The following PTPRD variants were observed in gnomAD, a reference collection of about 807,000 sequenced individuals.
PTPRD encodes protein tyrosine phosphatase receptor type D, also known as receptor-type tyrosine-protein phosphatase delta.
PTPRD carries 34 observed loss-of-function variants against 214.5 expected under a neutral mutation model. The observed-to-expected ratio is 0.16, with a 90% CI of 0.12 to 0.21. The LOEUF is 0.21. Ranked by LOEUF, PTPRD falls within the 10% of genes least tolerant of loss-of-function variation. PTPRD has a pLI of 1.00. For synonymous variants in PTPRD, 1,128 were observed against 845.7 expected (o/e 1.33, Z -5.79); for missense variants, 2,545 against 2,398.7 (o/e 1.06, Z -1.27).
intron 11 of PTPRD, among the ~76,000 whole-genome samples, chr9:8,823,694 G>A (rs1294547960): frequency 6.6e-6 from 1 of 151,278 alleles, no homozygotes; most frequent in African/African-American, 2.5e-5. Context: ...AAAGGAAAGG[G>A]AAAGGAAAGG....
chr9:9,157,078 G>C (rs1280220264), intron 10 of PTPRD, among the ~76,000 whole-genome samples: 3 of 152,146 alleles, frequency 2.0e-5, no homozygotes, highest in African/African-American at 7.2e-5. Context: ...ACAGCATAAA[G>C]AATTAGTGGC....
intron 4 of PTPRD, among the ~76,000 whole-genome samples, chr9:10,025,696 G>C (rs766603633): frequency 6.6e-6 from 1 of 152,098 alleles, no homozygotes; most frequent in Non-Finnish European, 1.5e-5. Flanking sequence ...CCCACTTTTA[G>C]AAAATAAGAA....
Position 8,500,843 on chromosome 9 carries a change from C to G in PTPRD, c.2039G>C (p.Trp680Ser), listed in dbSNP as rs2136960816. ...TGTCACAGTGATCCGGTATTCAGTC[C>G]ATTTTTCCAGCTGTTCCAAAAGGTA... ...TKYLLEQLEK[W>S]TEYRITVTAH... The change falls in exon 24 of 46, where the codon TGG (tryptophan) becomes TCG (serine). Residue 680 changes from tryptophan (W) to serine (S), a missense_variant. By Grantham distance (177) the Trp-to-Ser change is radical. Transcript: ENST00000381196. 6.2e-7 allele frequency: 1 copy of G among 1,614,138 alleles called. No individual in the cohort carries two copies. The highest frequency in any genetic ancestry group is 1.1e-5 in the South Asian group (1 of 91,082).
chr9:9,516,211 G>A (rs1165192631), intron 8 of PTPRD, among the ~76,000 whole-genome samples: 2 of 124,274 alleles, frequency 1.6e-5, no homozygotes, highest in Non-Finnish European at 3.7e-5. Context: ...ATAAACAAAA[G>A]GAAAGTTAAT....
intron 5 of PTPRD, among the ~76,000 whole-genome samples, chr9:9,829,401 A>T (rs1168050820): frequency 6.6e-6 from 1 of 151,876 alleles, no homozygotes; most frequent in Non-Finnish European, 1.5e-5. Context: ...TCTGTAATAA[A>T]TGTATACAAG....
chr9:9,123,774 T>A (rs1337665436), intron 10 of PTPRD, among the ~76,000 whole-genome samples: 1 of 152,156 alleles, frequency 6.6e-6, no homozygotes, highest in Non-Finnish European at 1.5e-5. Flanking sequence ...TGTTGAAAGG[T>A]AGATTCCAAA....
At chr9:9,777,306 T>C (rs894719048) in intron 5 of PTPRD, among the ~76,000 whole-genome samples, 19 of 149,228 alleles carry the variant, frequency 1.3e-4, no homozygotes, top group Non-Finnish European at 2.8e-4. Context: ...CCAACACAAA[T>C]AAAAATATGC....
At chr9:8,575,592 G>A (rs1163010276) in intron 14 of PTPRD, among the ~76,000 whole-genome samples, 2 of 152,108 alleles carry the variant, frequency 1.3e-5, no homozygotes, top group Non-Finnish European at 2.9e-5. Flanking sequence ...AAACGTGGCT[G>A]CAGAAGAGAT....
chr9:9,109,891 A>C (rs1199040988), intron 10 of PTPRD, among the ~76,000 whole-genome samples: 1 of 152,066 alleles, frequency 6.6e-6, no homozygotes, highest in Non-Finnish European at 1.5e-5. Context: ...AGATTTTGAA[A>C]ATCGATATGT....
Position 10,406,172 on chromosome 9 carries a change from G to C in PTPRD, c.-599-65155C>G, listed in dbSNP as rs751942619. On this transcript the variant is annotated intron_variant, in intron 2 of 45. Coordinates refer to ENST00000381196, the MANE Select transcript of PTPRD (RefSeq NM_002839.4). Reference sequence around the variant, plus strand: ...AATATTCCTCTAGCTGAGAAATATTGAATAAAAGCAGAAATAAGGATGATA... The same window carrying C: ...AATATTCCTCTAGCTGAGAAATATTCAATAAAAGCAGAAATAAGGATGATA... 6.5e-4 allele frequency among the ~76,000 whole-genome samples: 99 copies of C among 151,212 alleles called. 1 individual carries two copies. The highest frequency in any genetic ancestry group is 2.4e-3 in the African/African-American group (98 of 41,396).
intron 7 of PTPRD, among the ~76,000 whole-genome samples, chr9:9,607,824 G>A (rs1337358229): frequency 1.3e-5 from 2 of 151,518 alleles, no homozygotes; most frequent in Non-Finnish European, 2.9e-5. Flanking sequence ...TGCCCCAAAA[G>A]AGCTTCAAGG....
At chr9:8,495,804 C>T (rs1025897378) in intron 26 of PTPRD, among the ~76,000 whole-genome samples, 2 of 152,186 alleles carry the variant, frequency 1.3e-5, no homozygotes, top group Non-Finnish European at 2.9e-5. Context: ...ATACCTTGCA[C>T]ACAGTTACAA....
At chr9:8,544,826 T>A (rs1027755617) in intron 14 of PTPRD, among the ~76,000 whole-genome samples, 2 of 151,832 alleles carry the variant, frequency 1.3e-5, no homozygotes, top group Non-Finnish European at 2.9e-5. Context: ...TATACATAAG[T>A]TGCATGATTT....
chr9:10,536,727 G>A (rs567269400), intron 2 of PTPRD, among the ~76,000 whole-genome samples: 43 of 152,182 alleles, frequency 2.8e-4, no homozygotes, highest in Non-Finnish European at 5.4e-4. Flanking sequence ...AGGGAACACT[G>A]CAGAGAATAA....
intron 5 of PTPRD, among the ~76,000 whole-genome samples, chr9:9,884,719 C>G (rs1163650543): frequency 6.6e-6 from 1 of 152,078 alleles, no homozygotes; most frequent in Non-Finnish European, 1.5e-5. Flanking sequence ...GGATGGTTAC[C>G]TACATGCTGT....
intron 11 of PTPRD, among the ~76,000 whole-genome samples, chr9:8,869,193 C>A (rs7875166): frequency 0.012 from 1,894 of 152,272 alleles, 43 homozygotes; most frequent in South Asian, 0.058. Flanking sequence ...AACAAAACTA[C>A]TACTTCTGAG....
At chr9:9,097,795 T>G (rs1253564441) in intron 10 of PTPRD, among the ~76,000 whole-genome samples, 2 of 148,806 alleles carry the variant, frequency 1.3e-5, no homozygotes, top group African/African-American at 5.0e-5. Context: ...GACCTGTCTT[T>G]GTTACGAACT....
chr9:10,462,965 A>G (rs113262184), intron 2 of PTPRD, among the ~76,000 whole-genome samples: 3,899 of 150,106 alleles, frequency 0.026, 146 homozygotes, highest in East Asian at 0.083. Context: ...ATACACACAC[A>G]TATATAATAT....
intron 9 of PTPRD, among the ~76,000 whole-genome samples, chr9:9,188,126 T>C (rs1390439580): frequency 6.6e-6 from 1 of 152,054 alleles, no homozygotes; most frequent in Admixed American, 6.6e-5. Context: ...TGGTTTAGGG[T>C]TGCCTTGAAC....
Sources: allele counts gnomAD v4.1 joint callset (sites outside exome capture counted in the v4.1 genomes callset), GRCh38; gene constraint gnomAD v4.1.1; transcripts MANE v1.5; gene names NCBI Gene and HGNC (gene_info 2026-07-23, HGNC 2026-07-21).